TNS1: variants seen among roughly 807,000 people sequenced by gnomAD.
TNS1 encodes tensin-1.
TNS1 carries 62 observed loss-of-function variants against 168.6 expected under a neutral mutation model. That is an observed-to-expected ratio of 0.37 (90% CI 0.30 to 0.45). The LOEUF (loss-of-function observed/expected upper bound fraction) is 0.45. TNS1 is among the 20% of genes least tolerant of loss of function. The probability of loss-of-function intolerance (pLI) is 1.00; values close to 1 mark genes in which losing one functional copy is unlikely to be tolerated. For missense variants in TNS1, 2,240 were observed against 2,339.4 expected, an observed-to-expected ratio of 0.96 and a Z score of 0.88; for synonymous variants, 934 against 933.2, an observed-to-expected ratio of 1.00 and a Z score of -0.02.
chr2:217,822,030 G>A (rs2125198030), intron 22 of TNS1, 92 bp from the exon 23 acceptor site: 5 of 1,328,152 alleles, frequency 3.8e-6, no homozygotes, highest in Non-Finnish European at 4.1e-6. Context: ...ACAGCTTCCT[G>A]GACTCCTGCC....
At chr2:217,975,478 T>G (rs1957871566) in intron 3 of TNS1, among the ~76,000 whole-genome samples, 1 of 152,060 alleles carries the variant, frequency 6.6e-6, no homozygotes, top group African/African-American at 2.4e-5. Flanking sequence ...GAGGGTGGCG[T>G]GTGAAGGCAT....
intron 1 of TNS1, among the ~76,000 whole-genome samples, chr2:217,993,955 CAG>C (rs1396052423): frequency 6.6e-6 from 1 of 152,180 alleles, no homozygotes; most frequent in Non-Finnish European, 1.5e-5. Context: ...GAGAAGCAGA[CAG>C]AGACGTCAGG....
rs1254538798 is a variant in TNS1 at position 217,900,421 on chromosome 2, C to T, written c.371+42G>A. 16 of 1,532,136 alleles carry T rather than the reference C, an allele frequency of 1.0e-5. No individual in the cohort carries two copies. In the Admixed American group the frequency reaches 3.1e-4, roughly 30 times the overall value. 94.9% of individuals were successfully genotyped at this position (1,532,136 alleles called of 1,614,324 possible). On this transcript the variant is annotated intron_variant, in intron 7 of 32. Coordinates refer to ENST00000682258, the MANE Select transcript of TNS1 (RefSeq NM_001387777.1). ...AACAGGGACACCCACAGTGACCCCC[C>T]TGCTTGCACTCCCGCCCCCTGCCCC...
chr2:217,885,489 A>G (rs547476420), intron 15 of TNS1, among the ~76,000 whole-genome samples: 69 of 152,356 alleles, frequency 4.5e-4, no homozygotes, highest in Non-Finnish European at 8.2e-4. Context: ...CTTGTCACCA[A>G]TAAGAAGCCA....
chr2:217,927,005 G>A (rs549485919), intron 3 of TNS1, among the ~76,000 whole-genome samples: 1 of 152,316 alleles, frequency 6.6e-6, no homozygotes, highest in East Asian at 1.9e-4. Flanking sequence ...TGGAGCAAGG[G>A]CACCTGAGCC....
At chr2:217,839,784 C>T (rs1419841685) in intron 19 of TNS1, among the ~76,000 whole-genome samples, 1 of 152,198 alleles carries the variant, frequency 6.6e-6, no homozygotes, top group Admixed American at 6.5e-5. Flanking sequence ...TTCCGATTTC[C>T]AAAAGACTGG....
intron 19 of TNS1, among the ~76,000 whole-genome samples, chr2:217,839,732 T>C (rs73992637): frequency 0.12 from 18,795 of 152,180 alleles, 1,492 homozygotes; most frequent in East Asian, 0.35. Flanking sequence ...CCCCCCAGAC[T>C]GGCCACTGCC....
intron 2 of TNS1, among the ~76,000 whole-genome samples, chr2:217,981,251 G>C (rs535641664): frequency 6.6e-6 from 1 of 152,356 alleles, no homozygotes; most frequent in African/African-American, 2.4e-5. Context: ...TGTGGAAATG[G>C]TGAGAAGGTG....
rs115217245 is a variant in TNS1, at chr2:217,811,226, G to A, written c.5033-907C>T. 6.6e-3 allele frequency among the ~76,000 whole-genome samples: 1,001 copies of A among 152,104 alleles called. 11 individuals are homozygous for A. Among genetic ancestry groups the A allele is most frequent in the African/African-American group, 0.023 (948 of 41,506 alleles). On this transcript the variant is annotated intron_variant, in intron 28 of 32. Transcript: ENST00000682258. Reference sequence around the variant, plus strand: ...GTCCCTGGGATATGCTGACACTGCCGGTCTAGGCCCATACTTTGAAAACAA... The same window carrying A: ...GTCCCTGGGATATGCTGACACTGCCAGTCTAGGCCCATACTTTGAAAACAA...
chr2:217,975,853 G>A (rs1057186597), intron 3 of TNS1, among the ~76,000 whole-genome samples: 3 of 152,142 alleles, frequency 2.0e-5, no homozygotes, highest in African/African-American at 7.2e-5. Flanking sequence ...TCTCTCGAGT[G>A]GGCAACATCA....
At chr2:217,996,768 A>G (rs922518114) in intron 1 of TNS1, among the ~76,000 whole-genome samples, 1 of 151,348 alleles carries the variant, frequency 6.6e-6, no homozygotes, top group South Asian at 2.1e-4. Context: ...GCTCCCACCC[A>G]TCGCCCCTAC....
At chr2:218,029,967 A>ACCC (rs1958879065) in intron 1 of TNS1, among the ~76,000 whole-genome samples, 1 of 152,036 alleles carries the variant, frequency 6.6e-6, no homozygotes, top group South Asian at 2.1e-4. Flanking sequence ...GTTATTTTCA[A>ACCC]CTTCCTCCTG....
At chr2:217,885,413 A>G (rs6742531) in intron 15 of TNS1, among the ~76,000 whole-genome samples, 26,750 of 152,250 alleles carry the variant, frequency 0.18, 3,428 homozygotes, top group African/African-American at 0.35. Context: ...CATACAAGTC[A>G]GAGTGCAAAA....
At chr2:217,849,440 T>G (rs2125444797) in intron 18 of TNS1, among the ~76,000 whole-genome samples, 1 of 152,284 alleles carries the variant, frequency 6.6e-6, no homozygotes, top group African/African-American at 2.4e-5. Flanking sequence ...GTCCATAAAA[T>G]GGGGATAATA....
Position 218,032,834 on chromosome 2 carries a change from C to T in TNS1, c.156+986G>A, listed in dbSNP as rs889389028. Among the ~76,000 whole-genome samples, 1 of 152,138 alleles carries T rather than the reference C, an allele frequency of 6.6e-6. No individual in the cohort carries two copies. The highest frequency in any genetic ancestry group is 1.5e-5 in the Non-Finnish European group (1 of 67,998). On this transcript the variant is annotated intron_variant, in intron 1 of 1. Coordinates refer to the TNS1 transcript ENST00000649572. The surrounding 1 kb of genome is among the most constrained non-coding windows in gnomAD (Gnocchi z 4.0). ...GGGAGTCACAGGCGAGCTCCAGGCTCTCTCCAGAGGCCGCTTAGAAACCAG... is the reference window on the plus strand; with the variant it reads ...GGGAGTCACAGGCGAGCTCCAGGCTTTCTCCAGAGGCCGCTTAGAAACCAG...
At chr2:217,817,331 G>T (rs1438083241) in intron 24 of TNS1, among the ~76,000 whole-genome samples, 1 of 152,128 alleles carries the variant, frequency 6.6e-6, no homozygotes, top group African/African-American at 2.4e-5. Context: ...ACTTTACTAA[G>T]TGGCCAAGAA....
chr2:217,811,414 A>C (rs989808409), intron 28 of TNS1, among the ~76,000 whole-genome samples: 1 of 152,248 alleles, frequency 6.6e-6, no homozygotes, highest in Non-Finnish European at 1.5e-5. Context: ...GTCCATTACC[A>C]TTAATAATTC....
intron 3 of TNS1, among the ~76,000 whole-genome samples, chr2:217,936,230 C>G (rs11894803): frequency 6.6e-6 from 1 of 151,928 alleles, no homozygotes; most frequent in South Asian, 2.1e-4. Context: ...CAGTAAGGGG[C>G]TACTGTGTTC....
chr2:217,883,421 T>C (rs1950866879), intron 16 of TNS1, among the ~76,000 whole-genome samples: 1 of 152,122 alleles, frequency 6.6e-6, no homozygotes, highest in African/African-American at 2.4e-5. Flanking sequence ...CATGCCACCA[T>C]GCCCGGCTAA....
Sources: gnomAD v4.1 joint callset for allele counts (sites outside exome capture counted in the v4.1 genomes callset) on GRCh38, gnomAD v4.1.1 for gene constraint, Gnocchi (gnomAD v3.1) non-coding constraint, MANE v1.5 for transcripts, NCBI Gene and HGNC (gene_info 2026-07-23, HGNC 2026-07-21) for gene names.